The following TEP1 variants were observed in gnomAD, a reference collection of about 807,000 sequenced individuals.
TEP1 encodes the protein telomerase protein component 1.
In TEP1, 241 loss-of-function variants were observed where a neutral mutation model predicts 306.3. The observed-to-expected ratio is 0.79, with a 90% CI of 0.71 to 0.88. The LOEUF is 0.88. Ranked by LOEUF, TEP1 falls within the 40% of genes least tolerant of loss-of-function variation. The probability of loss-of-function intolerance (pLI) is 0.00; values close to 1 mark genes in which losing one functional copy is unlikely to be tolerated. For synonymous variants in TEP1, 1,289 were observed against 1,305.5 expected, an observed-to-expected ratio of 0.99 and a Z score of 0.27; for missense variants, 3,051 against 3,276.1, an observed-to-expected ratio of 0.93 and a Z score of 1.68.
At chr14:20,383,685 A>C in intron 25 of TEP1, 41 bp from the exon 26 acceptor site, 1 of 1,608,172 alleles carries the variant, frequency 6.2e-7, no homozygotes, top group South Asian at 1.1e-5. Flanking sequence ...GGAGAGAAAA[A>C]AAAAGCAGGG....
rs1876828370 is a variant in TEP1, at chr14:20,383,770, T to C, written c.3683A>G (p.Glu1228Gly). 6.2e-7 allele frequency: 1 copy of C among 1,611,744 alleles called. No individual in the cohort carries two copies. Among genetic ancestry groups the C allele is most frequent in the East Asian group, 2.2e-5 (1 of 44,828 alleles). ...LCTYLRGQLK[E>G]PGALPSTYRS... ...GTAGGTGCTGGGGAGGGCACCTGGC[T>C]CTTTTAGTTGGCCACGCAGATAGGT... Residue 1228 changes from glutamate to glycine, a missense_variant, in exon 25 of 55, where the codon GAG becomes GGG. Coordinates refer to ENST00000262715, the MANE Select transcript of TEP1 (RefSeq NM_007110.5).
intron 25 of TEP1, 33 bp downstream of exon 25, chr14:20,383,710 T>A (rs747141949): frequency 1.2e-6 from 2 of 1,608,474 alleles, no homozygotes; most frequent in East Asian, 4.5e-5. Flanking sequence ...TACGTGGGCA[T>A]CAACAAGGCT....
chr14:20,375,605 G>A (rs1301448185), intron 43 of TEP1, 150 bp downstream of exon 43: 1 of 572,168 alleles, frequency 1.7e-6, no homozygotes, highest in Admixed American at 3.0e-5. Context: ...TATATGAAAA[G>A]AGCTTAGTTC....
chr14:20,389,247 G>T lies in TEP1; in HGVS notation c.2516C>A (p.Ala839Glu), dbSNP rs750611706. The stretch of plus-strand genomic sequence containing the variant: ...TCCATTCTGTACTCACTTCAGTATC[G>T]CATCAGTACAGCCTGAGAGTGTCAC... Reference protein sequence around the residue: ...NDVTLSGCTDAILKFIAEHGA... With the variant: ...NDVTLSGCTDEILKFIAEHGA... Residue 839 changes from alanine to glutamate, a missense_variant, in exon 17 of 55, where the codon GCG (alanine) becomes GAG (glutamate). Ala to Glu is a moderately radical substitution (Grantham distance 107). This residue lies in a region of TEP1 where 1,507 missense variants were observed against 1,550.5 expected (regional missense o/e 0.97). Coordinates refer to ENST00000262715, the MANE Select transcript of TEP1 (RefSeq NM_007110.5). 2 of 1,613,752 alleles carry T rather than the reference G, an allele frequency of 1.2e-6. No homozygotes were observed. Among genetic ancestry groups the T allele is most frequent in the Non-Finnish European group, 1.7e-6 (2 of 1,179,914 alleles).
In TEP1 at chr14:20,377,446, G is replaced by T. The variant is rs1566445832; in HGVS notation, c.5922C>A (p.Ala1974=). Residue 1974 remains alanine, a synonymous_variant, in exon 41 of 55, where the codon GCC becomes GCA. Transcript: ENST00000262715. ...QGQALDVAVS[A]LAWLSPKVLV... is the part of the protein sequence containing the mutation. ...ATACCTTGGGGCTTAGCCAGGCCAG[G>T]GCGGACACTGCCACATCCAGTGCCT... 6.2e-7 allele frequency: 1 copy of T among 1,614,132 alleles called. No homozygotes were observed. Among genetic ancestry groups the T allele is most frequent in the East Asian group, 2.2e-5 (1 of 44,866 alleles).
chr14:20,408,540 C>CA, intron 1 of TEP1, 77 bp from the exon 2 acceptor site: 2 of 1,144,552 alleles, frequency 1.7e-6, no homozygotes, highest in Non-Finnish European at 2.4e-6. Context: ...ATCTTCCCCA[C>CA]AGCCCTCCTG....
rs760137518 is a variant in TEP1 at position 20,373,296 on chromosome 14, C to A, written c.6788G>T (p.Arg2263Leu). Residue 2263 changes from arginine to leucine, a missense_variant, in exon 47 of 55, where the codon CGG becomes CTG. Coordinates refer to ENST00000262715, the MANE Select transcript of TEP1 (RefSeq NM_007110.5). ...TGCTTCCTTAGGAACCTGCCAGAGC[C>A]GTACAGAACCATCCTCAGAGGCGGT... ...MLTASEDGSVRLWQVPKEADD... is the reference protein window; with the variant it reads ...MLTASEDGSVLLWQVPKEADD... 1.3e-5 allele frequency: 21 copies of A among 1,614,038 alleles called. No homozygotes were observed. Among genetic ancestry groups the A allele is most frequent in the Admixed American group, 1.2e-4 (7 of 60,006 alleles).
chr14:20,391,642 T>A lies in TEP1; in HGVS notation c.2054A>T (p.Asp685Val), dbSNP rs1268239626. The A allele has an allele frequency of 6.2e-7, 1 of 1,614,166 alleles. No homozygotes were observed. The highest frequency in any genetic ancestry group is 1.3e-5 in the African/African-American group (1 of 75,032). Residue 685 changes from aspartate to valine, a missense_variant, in exon 13 of 55, where the codon GAT becomes GTT. Transcript: ENST00000262715. ...TGGACAGAGCCTGTCTGCATTAGCATCTGTCAGATAGACCAAGACAGTGCG... is the reference window on the plus strand; with the variant it reads ...TGGACAGAGCCTGTCTGCATTAGCAACTGTCAGATAGACCAAGACAGTGCG... Reference protein sequence around the residue: ...PGRTVLVYLTDANADRLCPKS... With the variant: ...PGRTVLVYLTVANADRLCPKS...
chr14:20,407,742 TAG>T, intron 2 of TEP1, 129 bp downstream of exon 2: 1 of 816,344 alleles, frequency 1.2e-6, no homozygotes, highest in Non-Finnish European at 2.0e-6. Flanking sequence ...AAAGGCACCT[TAG>T]GAGAGGCTCT....
At chr14:20,388,809 A>G (rs1347601131) in intron 17 of TEP1, among the ~76,000 whole-genome samples, 6 of 152,202 alleles carry the variant, frequency 3.9e-5, no homozygotes, top group Non-Finnish European at 7.3e-5. Flanking sequence ...TGTTGCTGCT[A>G]TGCCTGGATG....
intron 44 of TEP1, 75 bp from the exon 45 acceptor site, chr14:20,373,885 T>G: frequency 1.3e-6 from 2 of 1,555,308 alleles, no homozygotes; most frequent in Admixed American, 1.7e-5. Flanking sequence ...TCCACAGAGG[T>G]GGGTGGAGCA....
In TEP1 at chr14:20,379,118, G is replaced by A. The variant is rs201431531; in HGVS notation, c.5128-13C>T. The A allele has an allele frequency of 2.5e-6, 4 of 1,613,434 alleles. No homozygotes were observed. The highest frequency in any genetic ancestry group is 1.3e-5 in the African/African-American group (1 of 75,052). On this transcript the variant is annotated splice_polypyrimidine_tract_variant and intron_variant, in intron 35 of 54. Coordinates refer to ENST00000262715, the MANE Select transcript of TEP1 (RefSeq NM_007110.5). ...CAGACTTCTCCTCCTGCGACAGTGGGTGAGGGAGCGCAGCTCAGGCCATCC... is the reference window on the plus strand; with the variant it reads ...CAGACTTCTCCTCCTGCGACAGTGGATGAGGGAGCGCAGCTCAGGCCATCC...
chr14:20,406,183 A>ACCTCC (rs752000704), intron 3 of TEP1, 50 bp downstream of exon 3: 13 of 1,596,920 alleles, frequency 8.1e-6, no homozygotes, highest in African/African-American at 5.4e-5. Flanking sequence ...TCCACCACCA[A>ACCTCC]CCTCCCCTCC....
Position 20,389,239 on chromosome 14 carries a change from T to C in TEP1, c.2524A>G (p.Lys842Glu). ...TLSGCTDAIL[K>E]FIAEHGASHL... ...CTTCAGTATCCATTCTGTACTCACT[T>C]CAGTATCGCATCAGTACAGCCTGAG... is the stretch of plus-strand genomic sequence containing the variant. The change falls in exon 17 of 55, where the codon AAG becomes GAG. Residue 842 changes from lysine (K) to glutamate (E), a missense_variant and splice_region_variant. Lys to Glu is a moderately conservative substitution (Grantham distance 56). This residue lies in a region of TEP1 where 1,507 missense variants were observed against 1,550.5 expected (regional missense o/e 0.97). Transcript: ENST00000262715. 1 of 1,613,962 alleles carries C rather than the reference T, an allele frequency of 6.2e-7. No individual in the cohort carries two copies. The highest frequency in any genetic ancestry group is 8.5e-7 in the Non-Finnish European group (1 of 1,179,882).
chr14:20,376,009 A>G, intron 42 of TEP1, 95 bp downstream of exon 42: 1 of 1,545,338 alleles, frequency 6.5e-7, no homozygotes, highest in Non-Finnish European at 8.8e-7. Flanking sequence ...TTGGCAAAAC[A>G]AAAAGCAGGA....
Position 20,386,149 on chromosome 14 carries a change from C to G in TEP1, c.2908G>C (p.Val970Leu). 6.2e-7 allele frequency: 1 copy of G among 1,613,660 alleles called. No individual in the cohort carries two copies. The highest frequency in any genetic ancestry group is 1.3e-5 in the African/African-American group (1 of 74,988). ...LGEVENAQLF[V>L]GILGSRYGYI... ...CCATAACGGGAGCCCAGAATCCCCACAAACAGCTGTGCGTTCTCCACCTCC... is the reference window on the plus strand; with the variant it reads ...CCATAACGGGAGCCCAGAATCCCCAGAAACAGCTGTGCGTTCTCCACCTCC... The change falls in exon 20 of 55, where the codon GTG becomes CTG. Residue 970 changes from valine (V) to leucine (L), a missense_variant. Physicochemically the swap from Val to Leu is conservative, Grantham distance 32. Transcript: ENST00000262715.
rs992586396 is a variant in TEP1 at position 20,366,908 on chromosome 14, A to C, written c.*1529T>G. 6.6e-6 allele frequency: 1 copy of C among 152,246 alleles called. No individual in the cohort carries two copies. The highest frequency in any genetic ancestry group is 1.5e-5 in the Non-Finnish European group (1 of 68,054). 9.4% of individuals were successfully genotyped at this position (152,246 alleles called of 1,614,324 possible). ...TTTTGCCTTTTGCTCTCCTAAAAGC[A>C]TGGGCCAAGGGCAGGAGGAAGCTCT... On this transcript the variant is annotated 3_prime_UTR_variant, in exon 55 of 55. Coordinates refer to ENST00000262715, the MANE Select transcript of TEP1 (RefSeq NM_007110.5).
chr14:20,401,503 G>A lies in TEP1; in HGVS notation c.1345C>T (p.His449Tyr). ...FTLKKLVQRLHIHKPAQHVQA... is the reference protein window; with the variant it reads ...FTLKKLVQRLYIHKPAQHVQA... Reference sequence around the variant, plus strand: ...ACGTGCTGGGCAGGCTTGTGGATGTGCAGTCGCTGAACCAGCTTCTTCAGG... The same window carrying A: ...ACGTGCTGGGCAGGCTTGTGGATGTACAGTCGCTGAACCAGCTTCTTCAGG... The change falls in exon 8 of 55, where the codon CAC becomes TAC. Residue 449 changes from histidine to tyrosine, a missense_variant. Around this residue, in one of 3 missense-constraint regions of TEP1, gnomAD observed 1,507 missense variants for 1,550.5 expected, o/e 0.97. Transcript: ENST00000262715. 6.2e-7 allele frequency: 1 copy of A among 1,614,198 alleles called. No individual in the cohort carries two copies. Among genetic ancestry groups the A allele is most frequent in the African/African-American group, 1.3e-5 (1 of 75,050 alleles).
rs775660326 is a variant in TEP1, at chr14:20,371,292, T to C, written c.7243A>G (p.Met2415Val). The change falls in exon 51 of 55, where the codon ATG becomes GTG. Residue 2415 changes from methionine (M) to valine (V), a missense_variant. Around this residue, in one of 3 missense-constraint regions of TEP1, gnomAD observed 1,540 missense variants for 1,705.9 expected, o/e 0.90. Transcript: ENST00000262715. ...TACTCCTTGTGGGTGGACAATATCATAGGATTTTCTGTATAGCTGCTCCTG... is the reference window on the plus strand; with the variant it reads ...TACTCCTTGTGGGTGGACAATATCACAGGATTTTCTGTATAGCTGCTCCTG... ...EIWSSYTENP[M>V]ILSTHKEYGI... The C allele has an allele frequency of 5.0e-6, 8 of 1,614,084 alleles. No individual in the cohort carries two copies. Among genetic ancestry groups the C allele is most frequent in the Admixed American group, 1.7e-5 (1 of 60,002 alleles).
Sources: gnomAD v4.1 joint callset for allele counts (sites outside exome capture counted in the v4.1 genomes callset) on GRCh38, gnomAD v4.1.1 for gene constraint, gnomAD v4.1.1 regional missense constraint, MANE v1.5 for transcripts, NCBI Gene and HGNC (gene_info 2026-07-23, HGNC 2026-07-21) for gene names.